CDH9: variants seen among roughly 807,000 people sequenced by gnomAD.
CDH9 encodes cadherin-9.
CDH9 carries 28 observed loss-of-function variants against 70.9 expected under a neutral mutation model. The observed-to-expected ratio is 0.40, with a 90% CI of 0.29 to 0.54. The LOEUF (loss-of-function observed/expected upper bound fraction) is 0.54, where lower values mean the gene tolerates loss of function less well. Ranked by LOEUF, CDH9 falls within the 20% of genes least tolerant of loss-of-function variation. The pLI, the probability that CDH9 is intolerant of heterozygous loss-of-function variation, is 0.59. For synonymous variants in CDH9, 409 were observed against 343.1 expected, an observed-to-expected ratio of 1.19 and a Z score of -2.12; for missense variants, 874 against 984.4, an observed-to-expected ratio of 0.89 and a Z score of 1.50.
In CDH9 at chr5:27,001,844, A is replaced by ACACTCTCTCTCTCTCTCT. The variant is rs1312157550; in HGVS notation, c.-49-13463_-49-13462insAGAGAGAGAGAGAGAGTG. 2.6e-3 allele frequency among the ~76,000 whole-genome samples: 369 copies of ACACTCTCTCTCTCTCTCT among 142,018 alleles called. 2 individuals are homozygous for ACACTCTCTCTCTCTCTCT. The highest frequency in any genetic ancestry group is 9.9e-3 in the African/African-American group (360 of 36,436). 93.2% of individuals were successfully genotyped at this position (142,018 alleles called of 152,430 possible). A position where few individuals can be genotyped will look rare whatever the true frequency, so the allele number is the denominator to read the frequency against. On this transcript the variant is annotated intron_variant, in intron 1 of 11. Coordinates refer to ENST00000231021, the MANE Select transcript of CDH9 (RefSeq NM_016279.4). ...GTGCTTAACATACACACACACACAC[A>ACACTCTCTCTCTCTCTCT]CTCTCTCTCTCTCTCTCTCTCTCTC...
chr5:26,905,671 T>C (rs1430696896), intron 5 of CDH9, among the ~76,000 whole-genome samples: 5 of 152,108 alleles, frequency 3.3e-5, no homozygotes, highest in Admixed American at 1.3e-4. Context: ...AAAGGAAGTC[T>C]GGAAAACTTT....
chr5:26,906,720 T>A lies in CDH9; in HGVS notation c.642A>T (p.Ser214=), dbSNP rs752246819. The change falls in exon 4 of 12, where the codon TCA becomes TCT. Residue 214 remains serine, a splice_region_variant and synonymous_variant. Transcript: ENST00000231021. ...GQPYFSVDPE[S]GIIKTALPDM... ...GTCAGCCAAGTTTAAATGTTGTACC[T>A]GATTCTGGGTCCACTGAAAAATATG... 1 of 1,612,850 alleles carries A rather than the reference T, an allele frequency of 6.2e-7. No homozygotes were observed.
intron 2 of CDH9, among the ~76,000 whole-genome samples, chr5:26,952,634 CAAA>C (rs35876875): frequency 1.6e-4 from 9 of 57,832 alleles, no homozygotes; most frequent in African/African-American, 5.7e-4. Context: ...GACTCCGTCT[CAAA>C]AAAAAAAAAA....
chr5:26,991,806 A>G lies in CDH9; in HGVS notation c.-49-3424T>C, dbSNP rs545769219. Among the ~76,000 whole-genome samples the G allele has an allele frequency of 2.0e-5, 3 of 152,320 alleles. No individual in the cohort carries two copies. In the South Asian group the frequency reaches 6.2e-4, roughly 32 times the overall value. ...CTGAGTGATTTCTTGAGTGTCATTT[A>G]TATCAGGAGAAAAGTGGATCTATTG... On this transcript the variant is annotated intron_variant, in intron 1 of 11. Transcript: ENST00000231021.
In CDH9 at chr5:26,890,686, A is replaced by G. The variant is rs898558124; in HGVS notation, c.1254-122T>C. On this transcript the variant is annotated intron_variant, in intron 7 of 11. Coordinates refer to ENST00000231021, the MANE Select transcript of CDH9 (RefSeq NM_016279.4). Reference sequence around the variant, plus strand: ...AAGACATGAAATGCAAAATGCTAACAACTTTCTTGAATTTTTATTTTATAG... The same window carrying G: ...AAGACATGAAATGCAAAATGCTAACGACTTTCTTGAATTTTTATTTTATAG... 6.0e-6 allele frequency: 4 copies of G among 671,656 alleles called. 1 individual carries two copies. Among genetic ancestry groups the G allele is most frequent in the Non-Finnish European group, 1.0e-5 (4 of 388,594 alleles). The allele number at this position is 671,656 out of a possible 1,614,324, so 41.6% of individuals were successfully genotyped here.
chr5:26,935,912 A>G (rs1260738085), intron 2 of CDH9, among the ~76,000 whole-genome samples: 2 of 152,174 alleles, frequency 1.3e-5, no homozygotes, highest in East Asian at 1.9e-4. Flanking sequence ...ATGGACTACT[A>G]CTCAGCCATG....
intron 2 of CDH9, among the ~76,000 whole-genome samples, chr5:26,967,388 C>A (rs906451697): frequency 2.0e-5 from 3 of 152,082 alleles, no homozygotes; most frequent in Non-Finnish European, 4.4e-5. Flanking sequence ...GTTTCAGGAC[C>A]AGGAGTCTGT....
chr5:26,895,975 C>T (rs1740742581), intron 7 of CDH9, among the ~76,000 whole-genome samples: 1 of 151,926 alleles, frequency 6.6e-6, no homozygotes, highest in Admixed American at 6.6e-5. Context: ...ATTTTGAATG[C>T]TAACAGAAGC....
At chr5:27,014,414 T>A (rs80241862) in intron 1 of CDH9, among the ~76,000 whole-genome samples, 1,989 of 152,048 alleles carry the variant, frequency 0.013, 28 homozygotes, top group Non-Finnish European at 0.021. Context: ...TTCCTAGGGA[T>A]CCTGTGAAAG....
At position 26,890,502 on chromosome 5, in the gene CDH9, G is replaced by C; in HGVS notation, c.1316C>G (p.Ser439Cys). Reference protein sequence around the residue: ...RIFGIHSENGSIFTLKALDRE... With the variant: ...RIFGIHSENGCIFTLKALDRE... ...GTCAAGGGCTTTCAAAGTGAAAATA[G>C]AACCATTTTCTGAGTGAATACCAAA... The change falls in exon 8 of 12, where the codon TCT becomes TGT. Residue 439 changes from serine (S) to cysteine (C), a missense_variant. Coordinates refer to ENST00000231021, the MANE Select transcript of CDH9 (RefSeq NM_016279.4). The C allele has an allele frequency of 6.2e-7, 1 of 1,610,058 alleles. No individual in the cohort carries two copies. Among genetic ancestry groups the C allele is most frequent in the Non-Finnish European group, 8.5e-7 (1 of 1,176,422 alleles).
chr5:26,892,184 C>T (rs1740671687), intron 7 of CDH9, among the ~76,000 whole-genome samples: 1 of 152,142 alleles, frequency 6.6e-6, no homozygotes, highest in South Asian at 2.1e-4. Flanking sequence ...TATGAAAGTC[C>T]TTCAGTTACA....
intron 1 of CDH9, among the ~76,000 whole-genome samples, chr5:26,997,543 A>G (rs925271807): frequency 6.6e-6 from 1 of 152,222 alleles, no homozygotes; most frequent in Non-Finnish European, 1.5e-5. Flanking sequence ...ACTTGAACAT[A>G]TACCTTATGA....
At chr5:26,953,999 CAG>C (rs1412576626) in intron 2 of CDH9, among the ~76,000 whole-genome samples, 1 of 151,976 alleles carries the variant, frequency 6.6e-6, no homozygotes, top group Non-Finnish European at 1.5e-5. Context: ...AAATAAAAAA[CAG>C]AAGATTACCA....
intron 2 of CDH9, among the ~76,000 whole-genome samples, chr5:26,986,161 T>A (rs766674120): frequency 2.0e-5 from 3 of 152,076 alleles, no homozygotes; most frequent in Non-Finnish European, 4.4e-5. Context: ...ACTGGAAACA[T>A]AGAAATAGTT....
At chr5:26,951,029 C>T (rs544423491) in intron 2 of CDH9, among the ~76,000 whole-genome samples, 3 of 152,170 alleles carry the variant, frequency 2.0e-5, no homozygotes, top group African/African-American at 4.8e-5. Flanking sequence ...TGTGCTGGCT[C>T]GCGCCTGTAA....
intron 2 of CDH9, among the ~76,000 whole-genome samples, chr5:26,933,451 T>TA (rs1427294065): frequency 6.6e-6 from 1 of 151,116 alleles, no homozygotes; most frequent in East Asian, 1.9e-4. Context: ...GACATACAAA[T>TA]AAAATGGATA....
chr5:26,987,587 T>A (rs917547421), intron 2 of CDH9, among the ~76,000 whole-genome samples: 1 of 152,038 alleles, frequency 6.6e-6, no homozygotes, highest in Admixed American at 6.6e-5. Context: ...AGCAACTTTG[T>A]TCCTACTAAC....
At chr5:26,994,221 T>C (rs1476023690) in intron 1 of CDH9, among the ~76,000 whole-genome samples, 1 of 152,200 alleles carries the variant, frequency 6.6e-6, no homozygotes, top group African/African-American at 2.4e-5. Flanking sequence ...GATGAGATTT[T>C]GAACTTCATA....
chr5:26,901,113 TA>T (rs1287501763), intron 7 of CDH9, among the ~76,000 whole-genome samples: 4 of 152,004 alleles, frequency 2.6e-5, no homozygotes, highest in African/African-American at 9.7e-5. Flanking sequence ...AGTTTTACTT[TA>T]AGCAATATGA....
Sources: allele counts gnomAD v4.1 joint callset (sites outside exome capture counted in the v4.1 genomes callset), GRCh38; gene constraint gnomAD v4.1.1; transcripts MANE v1.5; gene names NCBI Gene and HGNC (gene_info 2026-07-23, HGNC 2026-07-21).